The following SEC16A variants were observed in gnomAD, a reference collection of about 807,000 sequenced individuals.
SEC16A encodes the protein SEC16 homolog A, endoplasmic reticulum export factor.
Under a neutral mutation model 221.9 loss-of-function variants are expected in SEC16A, and 110 were observed. That is an observed-to-expected ratio of 0.50 (90% CI 0.42 to 0.58). The LOEUF (loss-of-function observed/expected upper bound fraction) is 0.58. Among genes scored for constraint, SEC16A ranks in the 20% least tolerant of loss-of-function variants. The probability of loss-of-function intolerance (pLI) is 0.00; values close to 1 mark genes in which losing one functional copy is unlikely to be tolerated. For missense variants in SEC16A, 3,165 were observed against 3,097.8 expected (o/e 1.02, Z -0.52); for synonymous variants, 1,393 against 1,257.7 (o/e 1.11, Z -2.28).
chr9:136,453,362 G>A, intron 22 of SEC16A, 66 bp downstream of exon 22: 2 of 1,131,280 alleles, frequency 1.8e-6, no homozygotes, highest in Non-Finnish European at 2.7e-6. Flanking sequence ...ACTCAACAAG[G>A]AGTCTGGGTG....
intron 4 of SEC16A, 28 bp downstream of exon 4, chr9:136,471,947 G>C (rs768128679): frequency 1.2e-5 from 20 of 1,608,846 alleles, no homozygotes; most frequent in Non-Finnish European, 9.3e-6. Context: ...GTAGGACAGA[G>C]AGGCAGCCAG....
intron 12 of SEC16A, among the ~76,000 whole-genome samples, chr9:136,462,024 C>T (rs1426118117): frequency 5.3e-5 from 8 of 152,178 alleles, no homozygotes. Context: ...GGGAGGATCA[C>T]TTGAACCCAG....
At chr9:136,460,370 G>A (rs190942686) in intron 13 of SEC16A, among the ~76,000 whole-genome samples, 1,591 of 152,196 alleles carry the variant, frequency 0.01, 16 homozygotes, top group Non-Finnish European at 0.014. Flanking sequence ...CAGGAGAATC[G>A]CTTGAACCCA....
rs377234386 is a variant in SEC16A at position 136,442,503 on chromosome 9, A to G, written c.7006-680T>C. On this transcript the variant is annotated intron_variant, in intron 31 of 31. Coordinates refer to ENST00000684901, the MANE Select transcript of SEC16A (RefSeq NM_014866.2). ...GGTGACAATGGGGCTGAATCCCAAG[A>G]GGCCCCAGACCTTGGACCCCGCTCA... 3.9e-5 allele frequency among the ~76,000 whole-genome samples: 6 copies of G among 152,206 alleles called. No individual in the cohort carries two copies. The East Asian group carries it at 1.2e-3, about 29-fold the overall frequency.
intron 18 of SEC16A, among the ~76,000 whole-genome samples, chr9:136,457,045 C>T (rs552526330): frequency 1.2e-4 from 19 of 152,276 alleles, no homozygotes; most frequent in South Asian, 1.2e-3. Context: ...TGGTGGCAGG[C>T]GCCTGTAATC....
chr9:136,440,140 C>A lies in SEC16A; in HGVS notation c.*1615G>T, dbSNP rs770111887. The A allele has an allele frequency of 3.9e-5, 6 of 152,334 alleles. No homozygotes were observed. The highest frequency in any genetic ancestry group is 4.8e-5 in the African/African-American group (2 of 41,468). 9.4% of individuals were successfully genotyped at this position (152,334 alleles called of 1,614,324 possible). ...GCAAAATATTTTATTCAACAATTTG[C>A]AATGTAACAATTCTCATTTAGGAAA... On this transcript the variant is annotated 3_prime_UTR_variant, in exon 32 of 32. Coordinates refer to ENST00000684901, the MANE Select transcript of SEC16A (RefSeq NM_014866.2).
Position 136,459,045 on chromosome 9 carries a change from C to A in SEC16A, c.5409+89G>T. ...AAAACTCACATCATTTTTTTCGATACCAATTCAAACAATCTAAGTAGCCAA... is the reference window on the plus strand; with the variant it reads ...AAAACTCACATCATTTTTTTCGATAACAATTCAAACAATCTAAGTAGCCAA... On this transcript the variant is annotated intron_variant, in intron 17 of 31. Transcript: ENST00000684901. This position sits in a 1 kb window ranked among gnomAD's most constrained non-coding sequence, Gnocchi z 6.1. 1 of 847,270 alleles carries A rather than the reference C, an allele frequency of 1.2e-6. No homozygotes were observed. Among genetic ancestry groups the A allele is most frequent in the African/African-American group, 1.7e-5 (1 of 57,690 alleles). 52.5% of individuals were successfully genotyped at this position (847,270 alleles called of 1,614,324 possible).
Position 136,459,075 on chromosome 9 carries a change from TTGTTAGCA to T in SEC16A, c.5409+51_5409+58del. 2 of 1,263,094 alleles carry T rather than the reference TTGTTAGCA, an allele frequency of 1.6e-6. No individual in the cohort carries two copies. The highest frequency in any genetic ancestry group is 2.2e-6 in the Non-Finnish European group (2 of 902,448). The allele number at this position is 1,263,094 out of a possible 1,614,324, so 78.2% of individuals were successfully genotyped here. ...TCAAACAATCTAAGTAGCCAAAAGC[TTGTTAGCA>T]CTGAGTGCCTGCCCAGCCATGACAG... On this transcript the variant is annotated intron_variant, in intron 17 of 31. Coordinates refer to ENST00000684901, the MANE Select transcript of SEC16A (RefSeq NM_014866.2). This position sits in a 1 kb window ranked among gnomAD's most constrained non-coding sequence, Gnocchi z 6.1.
intron 20 of SEC16A, 138 bp downstream of exon 20, chr9:136,455,463 C>A (rs1023011398): frequency 2.3e-5 from 18 of 799,916 alleles, no homozygotes; most frequent in Non-Finnish European, 2.7e-5. Flanking sequence ...GCCCCACAAC[C>A]ACCGAGGTGG....
rs866059093 is a variant in SEC16A, at chr9:136,466,763, C to G, written c.3929+194G>C. Among the ~76,000 whole-genome samples, 3 of 152,244 alleles carry G rather than the reference C, an allele frequency of 2.0e-5. No homozygotes were observed. Among genetic ancestry groups the G allele is most frequent in the Admixed American group, 1.3e-4 (2 of 15,284 alleles). On this transcript the variant is annotated intron_variant, in intron 6 of 31. Transcript: ENST00000684901. The surrounding 1 kb of genome is among the most constrained non-coding windows in gnomAD (Gnocchi z 5.5). ...AACAGTCCTCTTGCTGAGGCCAGTT[C>G]TCCTCTAACAGTCCAAGCTGGGAAC...
upstream of SEC16A, chr9:136,483,404 T>C (rs1589044047): frequency 1.5e-6 from 1 of 660,462 alleles, no homozygotes; most frequent in Non-Finnish European, 1.8e-6. Flanking sequence ...CCGTCGTCCG[T>C]CTTTCTCCGC....
chr9:136,445,213 C>A, intron 29 of SEC16A, 102 bp from the exon 30 acceptor site: 1 of 969,776 alleles, frequency 1.0e-6, no homozygotes, highest in South Asian at 1.4e-5. Context: ...TTTGTGATGC[C>A]ATTAGAATCA....
intron 1 of SEC16A, among the ~76,000 whole-genome samples, chr9:136,480,168 A>T (rs1436831125): frequency 2.0e-5 from 3 of 152,186 alleles, no homozygotes; most frequent in African/African-American, 7.2e-5. Flanking sequence ...TCTTCCTCTG[A>T]TCTGTGCACT....
At position 136,475,658 on chromosome 9, in the gene SEC16A, T is replaced by A; in HGVS notation, c.1958A>T (p.Asp653Val). 1 of 1,613,732 alleles carries A rather than the reference T, an allele frequency of 6.2e-7. No homozygotes were observed. The highest frequency in any genetic ancestry group is 8.5e-7 in the Non-Finnish European group (1 of 1,179,844). ...KQCRPAAALP[D>V]ASPGNLEQPP... ...CTGCTCCAGGTTGCCAGGGGAAGCA[T>A]CGGGCAGGGCGGCAGCTGGTCTGCA... The change falls in exon 3 of 32, where the codon GAT (aspartate) becomes GTT (valine). Residue 653 changes from aspartate to valine, a missense_variant. Physicochemically the swap from Asp to Val is radical, Grantham distance 152. Coordinates refer to ENST00000684901, the MANE Select transcript of SEC16A (RefSeq NM_014866.2). This position sits in a 1 kb window ranked among gnomAD's most constrained non-coding sequence, Gnocchi z 5.0.
At chr9:136,460,180 C>T (rs1180718981) in intron 13 of SEC16A, 57 bp from the exon 14 acceptor site, 26 of 1,432,566 alleles carry the variant, frequency 1.8e-5, no homozygotes, top group Middle Eastern at 1.7e-4. Flanking sequence ...AGAAAAAAGC[C>T]GGCCGGACAT....
intron 31 of SEC16A, among the ~76,000 whole-genome samples, chr9:136,443,408 G>A (rs773690466): frequency 8.5e-5 from 13 of 152,206 alleles, no homozygotes; most frequent in Non-Finnish European, 1.5e-4. Context: ...AGAGAAGCTG[G>A]GCACGGTGGC....
intron 30 of SEC16A, 182 bp from the exon 31 acceptor site, chr9:136,444,082 G>C (rs1836594116): frequency 1.9e-6 from 1 of 522,516 alleles, no homozygotes; most frequent in Non-Finnish European, 3.4e-6. Context: ...GAGAAAAATG[G>C]TGAAAATCAA....
chr9:136,480,746 C>T (rs2133115820), intron 1 of SEC16A, among the ~76,000 whole-genome samples: 1 of 152,146 alleles, frequency 6.6e-6, no homozygotes, highest in South Asian at 2.1e-4. Flanking sequence ...AAAAATTAGC[C>T]GGGCGTGGTG....
In SEC16A at chr9:136,463,117, C is replaced by T. The variant is rs750463398; in HGVS notation, c.4663G>A (p.Asp1555Asn). Residue 1555 changes from aspartate to asparagine, a missense_variant, in exon 12 of 32, where the codon GAC becomes AAC. Asp to Asn is a conservative substitution (Grantham distance 23). Transcript: ENST00000684901. ...CRQNGTVVGT[D>N]IAELLLRDHR... is the part of the protein sequence containing the mutation. ...TCTCGTAACAGAAGCTCCGCAATGT[C>T]GGTCCCTACCACGGTCTGTTTGGGT... The T allele has an allele frequency of 2.5e-5, 40 of 1,610,324 alleles. No homozygotes were observed. Among genetic ancestry groups the T allele is most frequent in the African/African-American group, 1.2e-4 (9 of 74,944 alleles).
Sources: allele counts gnomAD v4.1 joint callset (sites outside exome capture counted in the v4.1 genomes callset), GRCh38; gene constraint gnomAD v4.1.1; non-coding constraint Gnocchi (gnomAD v3.1); transcripts MANE v1.5; gene names NCBI Gene and HGNC (gene_info 2026-07-23, HGNC 2026-07-21).